Variants in ACOXL observed in about 807,000 individuals in gnomAD.
ACOXL encodes the protein acyl-CoA oxidase like.
Under a neutral mutation model 71.9 loss-of-function variants are expected in ACOXL, and 70 were observed. That is an observed-to-expected ratio of 0.97 (90% confidence interval 0.80 to 1.19). The LOEUF is 1.19. Ranked by LOEUF, ACOXL falls within the 50% of genes most tolerant of loss-of-function variation. The probability of loss-of-function intolerance (pLI) is 0.00; values close to 1 mark genes in which losing one functional copy is unlikely to be tolerated. For synonymous variants in ACOXL, 253 were observed against 281.6 expected, an observed-to-expected ratio of 0.90 and a Z score of 1.02; for missense variants, 703 against 736.3, an observed-to-expected ratio of 0.95 and a Z score of 0.52.
At chr2:110,745,682 T>C (rs1678104850) in intron 1 of ACOXL, among the ~76,000 whole-genome samples, 1 of 152,240 alleles carries the variant, frequency 6.6e-6, no homozygotes, top group South Asian at 2.1e-4. Flanking sequence ...ATTTTTGTTT[T>C]TCTGGGTAGA....
intron 10 of ACOXL, among the ~76,000 whole-genome samples, chr2:110,886,398 A>G (rs1433123502): frequency 6.9e-5 from 5 of 72,908 alleles, no homozygotes; most frequent in African/African-American, 2.2e-4. Context: ...TTTTTTTTTT[A>G]ATGGATTCTC....
At chr2:110,840,729 G>C (rs539689812) in intron 9 of ACOXL, among the ~76,000 whole-genome samples, 13 of 152,316 alleles carry the variant, frequency 8.5e-5, no homozygotes, top group Middle Eastern at 3.4e-3. Context: ...ACCTCCACTT[G>C]TTGCTGTGCC....
At chr2:110,959,169 G>A (rs1444522628) in intron 12 of ACOXL, among the ~76,000 whole-genome samples, 2 of 152,226 alleles carry the variant, frequency 1.3e-5, no homozygotes, top group Non-Finnish European at 2.9e-5. Flanking sequence ...ATGACAGAGG[G>A]TTAATTGAGG....
chr2:110,995,120 AATAAATGCCCAGCAGTGGTTATT>A (rs1207171442), intron 13 of ACOXL, among the ~76,000 whole-genome samples: 1 of 151,904 alleles, frequency 6.6e-6, no homozygotes, highest in Non-Finnish European at 1.5e-5. Flanking sequence ...TAATAATTAT[AATAAATGCCCAGCAGTGGTTATT>A]ATAAACTCAC....
intron 3 of ACOXL, among the ~76,000 whole-genome samples, chr2:110,786,005 A>G (rs1485171541): frequency 2.6e-5 from 4 of 152,192 alleles, no homozygotes; most frequent in African/African-American, 4.8e-5. Flanking sequence ...GAAGACAATT[A>G]TCTTGCATGT....
At chr2:110,821,779 A>G (rs1257809887) in intron 9 of ACOXL, among the ~76,000 whole-genome samples, 2 of 152,168 alleles carry the variant, frequency 1.3e-5, no homozygotes, top group Non-Finnish European at 2.9e-5. Context: ...TATTTATCCA[A>G]TTACTTCTTT....
intron 10 of ACOXL, among the ~76,000 whole-genome samples, chr2:110,857,977 C>T (rs752805417): frequency 6.6e-6 from 1 of 152,162 alleles, no homozygotes; most frequent in African/African-American, 2.4e-5. Context: ...CCACCCACCT[C>T]GGCCTCCCAA....
intron 14 of ACOXL, among the ~76,000 whole-genome samples, chr2:111,010,616 C>T (rs1384794): frequency 0.069 from 10,414 of 151,942 alleles, 450 homozygotes; most frequent in East Asian, 0.22. Flanking sequence ...GGATGAAAAA[C>T]AAACAAATAT....
chr2:110,986,240 A>G (rs578176335), intron 12 of ACOXL, among the ~76,000 whole-genome samples: 5 of 152,386 alleles, frequency 3.3e-5, no homozygotes, highest in African/African-American at 1.2e-4. Context: ...AACATTTTAT[A>G]TAATCTGTAT....
At chr2:110,787,093 T>G (rs1684056155) in intron 3 of ACOXL, among the ~76,000 whole-genome samples, 1 of 151,620 alleles carries the variant, frequency 6.6e-6, no homozygotes, top group South Asian at 2.1e-4. Context: ...GGGAGGGAGA[T>G]GAAGGAAAAT....
intron 16 of ACOXL, among the ~76,000 whole-genome samples, chr2:111,071,305 C>T (rs2067329542): frequency 6.6e-6 from 1 of 152,102 alleles, no homozygotes. Context: ...ATAAGACTTG[C>T]CCACCTTGGG....
chr2:110,832,297 G>C (rs547230173), intron 9 of ACOXL, among the ~76,000 whole-genome samples: 9 of 152,276 alleles, frequency 5.9e-5, no homozygotes, highest in Admixed American at 5.2e-4. Context: ...CCAGCACTTT[G>C]GGAGGCCGAG....
At chr2:110,922,221 T>G (rs143543416) in intron 11 of ACOXL, among the ~76,000 whole-genome samples, 67 of 152,338 alleles carry the variant, frequency 4.4e-4, no homozygotes, top group African/African-American at 1.6e-3. Context: ...TTTTTTTGGT[T>G]GTTGTTTTGG....
chr2:110,809,025 A>G (rs1329275005), intron 9 of ACOXL, among the ~76,000 whole-genome samples: 1 of 152,210 alleles, frequency 6.6e-6, no homozygotes, highest in Non-Finnish European at 1.5e-5. Context: ...CCCCTGGCTT[A>G]TCTCTTAGCA....
At chr2:110,794,818 C>G (rs1330152258) in intron 5 of ACOXL, among the ~76,000 whole-genome samples, 1 of 151,764 alleles carries the variant, frequency 6.6e-6, no homozygotes. Context: ...TCCCTTCTTG[C>G]TAACTAAAAA....
At chr2:110,784,258 CAA>C (rs879294920) in intron 2 of ACOXL, among the ~76,000 whole-genome samples, 1 of 131,612 alleles carries the variant, frequency 7.6e-6, no homozygotes. Flanking sequence ...CCTGTCTGTA[CAA>C]AAAAAAAAAA....
Position 110,805,346 on chromosome 2 carries a change from T to G in ACOXL, c.704T>G (p.Leu235Arg). The change falls in exon 9 of 18, where the codon CTG becomes CGG. Residue 235 changes from leucine to arginine, a missense_variant. Physicochemically the swap from Leu to Arg is moderately radical, Grantham distance 102 (BLOSUM62 -2). Transcript: ENST00000439055. ...AGATTCAATGCCATGCTGGCAGCAC[T>G]GACCCCTTCGAGATTAGCTGTGGCT... is the stretch of plus-strand genomic sequence containing the variant. ...SARFNAMLAA[L>R]TPSRLAVAFQ... The G allele has an allele frequency of 6.2e-7, 1 of 1,614,250 alleles. No individual in the cohort carries two copies. The highest frequency in any genetic ancestry group is 8.5e-7 in the Non-Finnish European group (1 of 1,180,034).
chr2:110,876,394 G>A (rs758184484), intron 10 of ACOXL, among the ~76,000 whole-genome samples: 9 of 152,176 alleles, frequency 5.9e-5, no homozygotes, highest in East Asian at 1.9e-4. Flanking sequence ...CCCAGGGGCC[G>A]GGTCAGCAGA....
chr2:110,779,858 A>G (rs765886813), intron 2 of ACOXL, among the ~76,000 whole-genome samples: 6 of 152,384 alleles, frequency 3.9e-5, no homozygotes, highest in Middle Eastern at 3.4e-3. Context: ...CTACATTTGT[A>G]GAATAATAGA....
Sources: gnomAD v4.1 joint callset for allele counts (sites outside exome capture counted in the v4.1 genomes callset) on GRCh38, gnomAD v4.1.1 for gene constraint, MANE v1.5 for transcripts, NCBI Gene and HGNC (gene_info 2026-07-23, HGNC 2026-07-21) for gene names.